PLEKHG1: variants seen among roughly 807,000 people sequenced by gnomAD.
PLEKHG1 encodes the protein pleckstrin homology and RhoGEF domain containing G1, also known as pleckstrin homology domain-containing family G member 1.
Under a neutral mutation model 100.8 loss-of-function variants are expected in PLEKHG1, and 44 were observed. The ratio of observed to expected loss-of-function variants is 0.44; its 90% CI spans 0.34 to 0.56. The LOEUF is 0.56. Among genes scored for constraint, PLEKHG1 ranks in the 20% least tolerant of loss-of-function variants. The pLI, the probability that PLEKHG1 is intolerant of heterozygous loss-of-function variation, is 0.01. For synonymous variants in PLEKHG1, 640 were observed against 662.5 expected (o/e 0.97, Z 0.52); for missense variants, 1,545 against 1,720.9 (o/e 0.90, Z 1.81).
At chr6:150,738,228 T>C (rs887954473) in intron 2 of PLEKHG1, among the ~76,000 whole-genome samples, 5 of 152,226 alleles carry the variant, frequency 3.3e-5, no homozygotes, top group Non-Finnish European at 7.3e-5. Flanking sequence ...CTCTGCTTTA[T>C]TGAATCTCCT....
chr6:150,822,726 T>C (rs1045172948), intron 13 of PLEKHG1, among the ~76,000 whole-genome samples: 1 of 152,246 alleles, frequency 6.6e-6, no homozygotes, highest in African/African-American at 2.4e-5. Context: ...ACGCCTGTAA[T>C]ACCAACACTT....
At chr6:150,801,081 T>C (rs927791361) in intron 6 of PLEKHG1, among the ~76,000 whole-genome samples, 10 of 152,214 alleles carry the variant, frequency 6.6e-5, no homozygotes, top group African/African-American at 2.4e-4. Context: ...AAGAGATTAA[T>C]CTTAGCTCTG....
intron 2 of PLEKHG1, among the ~76,000 whole-genome samples, chr6:150,643,871 A>AT (rs374041254): frequency 6.6e-6 from 1 of 150,732 alleles, no homozygotes; most frequent in Non-Finnish European, 1.5e-5. Context: ...AAATTCTAGG[A>AT]TTTTTTCCCC....
In PLEKHG1 at chr6:150,630,206, G is replaced by A. The variant is rs112288020; in HGVS notation, c.-203-7874G>A. 6.6e-3 allele frequency among the ~76,000 whole-genome samples: 1,002 copies of A among 152,326 alleles called. 15 individuals carry two copies. Among genetic ancestry groups the A allele is most frequent in the African/African-American group, 0.023 (943 of 41,578 alleles). ...ACATTGACTTTACTCTGGTTGTGAT[G>A]GGAAGCCCCTGGTGGAATTTGAACC... On this transcript the variant is annotated intron_variant, in intron 1 of 3. Transcript: ENST00000367326.
At chr6:150,805,445 G>T (rs892483968) in intron 7 of PLEKHG1, among the ~76,000 whole-genome samples, 1 of 152,160 alleles carries the variant, frequency 6.6e-6, no homozygotes, top group Non-Finnish European at 1.5e-5. Flanking sequence ...TCTTAGGCAG[G>T]GGACGCAGAG....
At chr6:150,777,632 TACTC>T (rs1785060905) in intron 3 of PLEKHG1, among the ~76,000 whole-genome samples, 1 of 146,742 alleles carries the variant, frequency 6.8e-6, no homozygotes, top group South Asian at 2.2e-4. Context: ...GGTTGCACAT[TACTC>T]ACACTGATGC....
At chr6:150,701,369 C>A (rs1311431601) in intron 3 of PLEKHG1, among the ~76,000 whole-genome samples, 1 of 130,392 alleles carries the variant, frequency 7.7e-6, no homozygotes, top group Non-Finnish European at 1.6e-5. Flanking sequence ...TGGGTTATAT[C>A]TGTAGATGAC....
chr6:150,667,919 A>G (rs1779459296), intron 3 of PLEKHG1, among the ~76,000 whole-genome samples: 1 of 152,224 alleles, frequency 6.6e-6, no homozygotes, highest in Non-Finnish European at 1.5e-5. Flanking sequence ...AGGTATTAAA[A>G]TGTTCAAGGC....
chr6:150,793,686 G>C (rs1215572344), intron 4 of PLEKHG1, among the ~76,000 whole-genome samples: 1 of 152,136 alleles, frequency 6.6e-6, no homozygotes, highest in African/African-American at 2.4e-5. Context: ...ACTTCCATTA[G>C]AGGAAGCACA....
At chr6:150,679,535 T>A (rs986806605) in intron 3 of PLEKHG1, among the ~76,000 whole-genome samples, 15 of 152,226 alleles carry the variant, frequency 9.9e-5, no homozygotes, top group Admixed American at 5.9e-4. Context: ...TACCTAATTA[T>A]AAGCAATAGC....
intron 3 of PLEKHG1, among the ~76,000 whole-genome samples, chr6:150,771,055 T>G (rs1784694241): frequency 6.6e-6 from 1 of 152,174 alleles, no homozygotes; most frequent in African/African-American, 2.4e-5. Context: ...AAGTTGTGGC[T>G]TACTCCAGGA....
intron 1 of PLEKHG1, chr6:150,624,832 C>T (rs1777444896): frequency 6.6e-6 from 1 of 152,230 alleles, no homozygotes; most frequent in African/African-American, 2.4e-5. Context: ...TCCAGTTTGG[C>T]TGAAATAAAA....
intron 3 of PLEKHG1, among the ~76,000 whole-genome samples, chr6:150,681,385 G>T (rs1008120773): frequency 1.3e-5 from 2 of 151,988 alleles, no homozygotes; most frequent in Non-Finnish European, 2.9e-5. Flanking sequence ...GGTGGCGTGT[G>T]CCTGTAGTCC....
chr6:150,733,613 T>C (rs761977802), exon 2 of PLEKHG1: 1 of 1,613,532 alleles, frequency 6.2e-7, no homozygotes, highest in Non-Finnish European at 8.5e-7. Context: ...TGAAGTGCCA[T>C]CAGCTGTAAC....
chr6:150,804,582 A>T, intron 6 of PLEKHG1, 28 bp from the exon 8 acceptor site: 1 of 1,550,722 alleles, frequency 6.4e-7, no homozygotes, highest in Non-Finnish European at 8.7e-7. Flanking sequence ...ATGAAAAAAA[A>T]AAAAACCCTC....
chr6:150,798,254 C>T (rs1184834720), intron 5 of PLEKHG1, among the ~76,000 whole-genome samples: 1 of 152,090 alleles, frequency 6.6e-6, no homozygotes, highest in African/African-American at 2.4e-5. Context: ...GGAAAAAAAA[C>T]ATTCAGATTC....
intron 2 of PLEKHG1, among the ~76,000 whole-genome samples, chr6:150,744,379 CCTT>C (rs1156918846): frequency 2.0e-5 from 3 of 152,012 alleles, no homozygotes; most frequent in Non-Finnish European, 4.4e-5. Flanking sequence ...TGGCCCCTGC[CCTT>C]CTTTTAACCT....
intron 3 of PLEKHG1, among the ~76,000 whole-genome samples, chr6:150,769,806 C>T (rs1784626293): frequency 6.6e-6 from 1 of 152,084 alleles, no homozygotes; most frequent in Admixed American, 6.6e-5. Flanking sequence ...TGAGTATCCA[C>T]ACATACCTTA....
chr6:150,653,670 C>T (rs1477388667), intron 3 of PLEKHG1, among the ~76,000 whole-genome samples: 2 of 152,024 alleles, frequency 1.3e-5, no homozygotes, highest in East Asian at 1.9e-4. Flanking sequence ...ATTGCTTGAA[C>T]TCAGGAGGCA....
Sources: gnomAD v4.1 joint callset for allele counts (sites outside exome capture counted in the v4.1 genomes callset) on GRCh38, gnomAD v4.1.1 for gene constraint, MANE v1.5 for transcripts, NCBI Gene and HGNC (gene_info 2026-07-23, HGNC 2026-07-21) for gene names.